The following CCNK variants were observed in gnomAD, a reference collection of about 807,000 sequenced individuals.
The protein encoded by CCNK is cyclin K.
In CCNK, 9 loss-of-function variants were observed where a neutral mutation model predicts 65.0. The observed-to-expected ratio is 0.14, with a 90% confidence interval of 0.08 to 0.24. The LOEUF (loss-of-function observed/expected upper bound fraction) is 0.24, where lower values mean the gene tolerates loss of function less well. CCNK is among the 10% of genes least tolerant of loss of function. CCNK has a pLI of 1.00. For missense variants in CCNK, 474 were observed against 720.0 expected, an observed-to-expected ratio of 0.66 and a Z score of 3.91; for synonymous variants, 279 against 270.8, an observed-to-expected ratio of 1.03 and a Z score of -0.30.
rs572235587 is a variant in CCNK at position 99,503,101 on chromosome 14, C to G, written c.1011+117C>G. The G allele has an allele frequency of 1.5e-5, 18 of 1,175,560 alleles. No individual in the cohort carries two copies. The East Asian group carries it at 2.1e-4, about 14-fold the overall frequency. The allele number at this position is 1,175,560 out of a possible 1,614,324, so 72.8% of individuals were successfully genotyped here. A position where few individuals can be genotyped will look rare whatever the true frequency, so the allele number is the denominator to read the frequency against. On this transcript the variant is annotated intron_variant, in intron 8 of 10. Transcript: ENST00000389879. ...AACACCGGAAGCAGGGGGTGTTCGC[C>G]GAAACTCGCAGTCCGACTGCTTGTC... is the stretch of plus-strand genomic sequence containing the variant.
At chr14:99,483,986 T>C (rs1896419976) in intron 1 of CCNK, among the ~76,000 whole-genome samples, 1 of 152,222 alleles carries the variant, frequency 6.6e-6, no homozygotes, top group South Asian at 2.1e-4. Context: ...TGAAATATAA[T>C]AATAGGCCAG....
intron 10 of CCNK, chr14:99,507,420 C>T (rs1004066262): frequency 1.2e-4 from 53 of 438,420 alleles, no homozygotes; most frequent in African/African-American, 1.0e-3. Flanking sequence ...AAAAAATTAG[C>T]CAGGTGTGGT....
At chr14:99,503,206 G>A in intron 8 of CCNK, 1 of 691,930 alleles carries the variant, frequency 1.4e-6, no homozygotes, top group Non-Finnish European at 2.6e-6. Flanking sequence ...CCCGGCTCCA[G>A]CCCTGCTGCC....
chr14:99,507,076 AACC>A lies in CCNK; in HGVS notation c.1056_1058del (p.Pro353del), dbSNP rs1404821726. 1.1e-5 allele frequency: 18 copies of A among 1,599,202 alleles called. No homozygotes were observed. The highest frequency in any genetic ancestry group is 8.8e-5 in the South Asian group (8 of 90,780). On this transcript the variant is annotated inframe_deletion and splice_region_variant, in exon 10 of 11. Transcript: ENST00000389879. ...TTTCTAATCTGCTTTTTCTTTGTAGAACCACCACCACCTAAAATCCCCAAAATT... is the reference window on the plus strand; with the variant it reads ...TTTCTAATCTGCTTTTTCTTTGTAGAACCACCACCTAAAATCCCCAAAATT...
intron 4 of CCNK, among the ~76,000 whole-genome samples, chr14:99,496,658 C>T (rs901435942): frequency 1.3e-5 from 2 of 151,498 alleles, no homozygotes; most frequent in African/African-American, 4.9e-5. Flanking sequence ...TGCAGTGAGC[C>T]GAGATGGCAC....
chr14:99,491,012 C>G (rs1896586957), intron 1 of CCNK, among the ~76,000 whole-genome samples: 1 of 151,828 alleles, frequency 6.6e-6, no homozygotes, highest in African/African-American at 2.4e-5. Context: ...TATCCTATAC[C>G]TTGCTGATCT....
intron 4 of CCNK, among the ~76,000 whole-genome samples, chr14:99,497,124 G>T (rs1896719537): frequency 2.0e-5 from 3 of 151,766 alleles, no homozygotes; most frequent in Admixed American, 1.3e-4. Context: ...TTACATTAGG[G>T]TTCATTCTCA....
At position 99,502,992 on chromosome 14, in the gene CCNK, G is replaced by A. The variant is rs1369596449; in HGVS notation, c.1011+8G>A. 1.2e-6 allele frequency: 2 copies of A among 1,613,916 alleles called. No homozygotes were observed. The highest frequency in any genetic ancestry group is 2.2e-5 in the East Asian group (1 of 44,876). On this transcript the variant is annotated splice_region_variant and intron_variant, in intron 8 of 10. Transcript: ENST00000389879. Reference sequence around the variant, plus strand: ...CAGGTTAAGCGAGCCGTGGTGAGTGGGCTAAAGCAGGCCCTGGGTAGAGCA... The same window carrying A: ...CAGGTTAAGCGAGCCGTGGTGAGTGAGCTAAAGCAGGCCCTGGGTAGAGCA...
At chr14:99,490,390 A>C (rs1199472581) in intron 1 of CCNK, among the ~76,000 whole-genome samples, 1 of 152,238 alleles carries the variant, frequency 6.6e-6, no homozygotes, top group Admixed American at 6.5e-5. Context: ...TTTTTTGGAT[A>C]AATGAACCAT....
chr14:99,487,444 G>A (rs1335722207), intron 1 of CCNK, among the ~76,000 whole-genome samples: 1 of 152,160 alleles, frequency 6.6e-6, no homozygotes, highest in Non-Finnish European at 1.5e-5. Context: ...AAAACCAGAA[G>A]TGTCTTCAGA....
chr14:99,481,548 G>C, intron 1 of CCNK, 69 bp downstream of exon 1: 1 of 398,498 alleles, frequency 2.5e-6, no homozygotes, highest in Non-Finnish European at 4.4e-6. Flanking sequence ...AGTAGGTTAT[G>C]GCCAACCGCC....
intron 10 of CCNK, chr14:99,509,945 C>T (rs1426229966): frequency 1.5e-5 from 9 of 599,528 alleles, no homozygotes; most frequent in Admixed American, 9.1e-5. Context: ...AACCCCAGGT[C>T]GTCGCAGACA....
chr14:99,504,840 T>C (rs1378928992), intron 9 of CCNK: 1 of 152,174 alleles, frequency 6.6e-6, no homozygotes, highest in East Asian at 1.9e-4. Context: ...TGAAATGCAA[T>C]TGAGTTGACG....
chr14:99,490,656 G>A (rs1015189769), intron 1 of CCNK, among the ~76,000 whole-genome samples: 2 of 151,884 alleles, frequency 1.3e-5, no homozygotes, highest in African/African-American at 4.8e-5. Flanking sequence ...GGCTGGGCGC[G>A]GTGGCTCACA....
chr14:99,490,548 G>A (rs954288863), intron 1 of CCNK, among the ~76,000 whole-genome samples: 11 of 152,124 alleles, frequency 7.2e-5, no homozygotes, highest in Non-Finnish European at 1.5e-5. Flanking sequence ...TATATACATA[G>A]AGAAGTCTTG....
At chr14:99,501,491 C>A (rs1896824019) in intron 6 of CCNK, 78 bp downstream of exon 6, 1 of 996,302 alleles carries the variant, frequency 1.0e-6, no homozygotes, top group African/African-American at 1.6e-5. Context: ...ATCTAAACCC[C>A]TCATTTTGTG....
At chr14:99,500,242 AT>A (rs1479209494) in intron 4 of CCNK, 12 of 152,318 alleles carry the variant, frequency 7.9e-5, no homozygotes, top group Admixed American at 7.8e-4. Context: ...CACAAAATTG[AT>A]TTGCCCCCAT....
At chr14:99,510,080 C>A in intron 10 of CCNK, 77 bp from the exon 11 acceptor site, 1 of 1,418,950 alleles carries the variant, frequency 7.0e-7, no homozygotes, top group Non-Finnish European at 9.4e-7. Flanking sequence ...GTAAAGATGG[C>A]CCTGAAGGGC....
chr14:99,492,601 A>G (rs192864340), intron 1 of CCNK, 25 bp from the exon 2 acceptor site: 1 of 1,269,488 alleles, frequency 7.9e-7, no homozygotes, highest in East Asian at 2.5e-5. Flanking sequence ...ATTCCTTTCC[A>G]ACTTTGTTTT....
Sources: gnomAD v4.1 joint callset for allele counts (sites outside exome capture counted in the v4.1 genomes callset) on GRCh38, gnomAD v4.1.1 for gene constraint, MANE v1.5 for transcripts, NCBI Gene and HGNC (gene_info 2026-07-23, HGNC 2026-07-21) for gene names.